Variants in CHADL observed in about 807,000 individuals in gnomAD.
CHADL encodes the protein chondroadherin like.
CHADL carries 48 observed loss-of-function variants against 52.1 expected under a neutral mutation model. That is an observed-to-expected ratio of 0.92 (90% CI 0.73 to 1.17). The LOEUF is 1.17. Among genes scored for constraint, CHADL ranks in the 50% most tolerant of loss-of-function variants. The pLI is 0.00. For missense variants in CHADL, 977 were observed against 1,035.1 expected (o/e 0.94, Z 0.77); for synonymous variants, 498 against 511.2 (o/e 0.97, Z 0.35).
At chr22:41,234,406 G>A (rs1053317961) in intron 5 of CHADL, among the ~76,000 whole-genome samples, 4 of 128,728 alleles carry the variant, frequency 3.1e-5, no homozygotes, top group African/African-American at 9.1e-5. Context: ...TTATTGAGAC[G>A]GAGTCTCACC....
chr22:41,235,153 C>T lies in CHADL; in HGVS notation c.2254G>A (p.Ala752Thr). The change falls in exon 5 of 6, where the codon GCA becomes ACA. Residue 752 changes from alanine (A) to threonine (T), a missense_variant. By Grantham distance (58) the Ala-to-Thr change is moderately conservative. Coordinates refer to ENST00000216241, the MANE Select transcript of CHADL (RefSeq NM_138481.2). ...CCTGCCCCATGGCCAACCTTATCTG[C>T]TCCACACTGTCTTCCTTTGATGGGG... ...RTPIKGRQCG[A>T]DKVGKEKGRL The T allele has an allele frequency of 2.6e-6, 4 of 1,551,366 alleles. No homozygotes were observed. Among genetic ancestry groups the T allele is most frequent in the South Asian group, 1.2e-5 (1 of 84,066 alleles).
chr22:41,237,770 C>A lies in CHADL; in HGVS notation c.1302G>T (p.Arg434=). 6.5e-7 allele frequency: 1 copy of A among 1,536,650 alleles called. No individual in the cohort carries two copies. Among genetic ancestry groups the A allele is most frequent in the East Asian group, 2.5e-5 (1 of 40,746 alleles). Residue 434 remains arginine, a synonymous_variant, in exon 3 of 6, where the codon CGG becomes CGT. Coordinates refer to ENST00000216241, the MANE Select transcript of CHADL (RefSeq NM_138481.2). ...CTCGGGGCACCGAGGGGAAGTGGTT[C>A]CGCCTCAGGTCCAGGAGCTGGGTGT... ...PSDTQLLDLR[R]NHFPSVPRAA...
intron 5 of CHADL, among the ~76,000 whole-genome samples, chr22:41,231,588 G>T (rs766074818): frequency 1.2e-4 from 18 of 152,274 alleles, no homozygotes; most frequent in Non-Finnish European, 2.5e-4. Flanking sequence ...CGTGTTGCTG[G>T]TGCCTAGAGG....
intron 1 of CHADL, 23 bp from the exon 2 acceptor site, chr22:41,239,643 G>A: frequency 6.6e-7 from 1 of 1,506,858 alleles, no homozygotes; most frequent in Non-Finnish European, 8.9e-7. Context: ...GGGAGAGTCT[G>A]TTGTGCACAA....
chr22:41,229,718 TCTC>T lies in CHADL; in HGVS notation c.2272_2274del (p.Glu758del), dbSNP rs746857178. ...CTGCTCCGTGCTCAGAGACGACCCT[TCTC>T]CTTCCCCACCTGGGCACAGAAGAGT... On this transcript the variant is annotated inframe_deletion, in exon 6 of 6. Transcript: ENST00000216241. 58 of 1,612,014 alleles carry T rather than the reference TCTC, an allele frequency of 3.6e-5. 1 individual carries two copies. The East Asian group carries it at 4.0e-4, about 11-fold the overall frequency.
chr22:41,240,775 G>C, intron 1 of CHADL, 99 bp downstream of exon 1: 1 of 1,431,722 alleles, frequency 7.0e-7, no homozygotes, highest in South Asian at 1.2e-5. Flanking sequence ...CAGAGCCCCT[G>C]CCCGCCAGCC....
chr22:41,235,267 C>G lies in CHADL; in HGVS notation c.2140G>C (p.Ala714Pro). The G allele has an allele frequency of 6.4e-7, 1 of 1,551,274 alleles. No individual in the cohort carries two copies. Among genetic ancestry groups the G allele is most frequent in the Non-Finnish European group, 8.7e-7 (1 of 1,146,984 alleles). Residue 714 changes from alanine (A) to proline (P), a missense_variant, in exon 5 of 6, where the codon GCT becomes CCT. By Grantham distance (27) the Ala-to-Pro change is conservative. Transcript: ENST00000216241. The stretch of plus-strand genomic sequence containing the variant: ...CAGTCTTCAAAGACAGCAGCTGCAG[C>G]CTTCACCCTCTGGCCACGGGCATTG... Reference protein sequence around the residue: ...PPNARGQRVKAAAAVFEDCPG... With the variant: ...PPNARGQRVKPAAAVFEDCPG...
intron 5 of CHADL, chr22:41,230,432 T>C: frequency 1.7e-6 from 1 of 595,820 alleles, no homozygotes; most frequent in East Asian, 2.9e-5. Context: ...CGCCTGTTGC[T>C]TCTGCCCTCC....
chr22:41,232,797 C>T (rs1240764396), intron 5 of CHADL, among the ~76,000 whole-genome samples: 1 of 152,144 alleles, frequency 6.6e-6, no homozygotes, highest in Non-Finnish European at 1.5e-5. Context: ...CACTCCTGAA[C>T]CCAGCTCCGC....
Position 41,238,907 on chromosome 22 carries a change from T to A in CHADL, c.187-22A>T. On this transcript the variant is annotated intron_variant, in intron 2 of 5. Coordinates refer to ENST00000216241, the MANE Select transcript of CHADL (RefSeq NM_138481.2). The surrounding 1 kb of genome is among the most constrained non-coding windows in gnomAD (Gnocchi z 4.9). ...TCAGCTGGGGACAGCGAGGAGAAAG[T>A]GGGGCTGAGCCAGGCAGGGACCCCG... The A allele has an allele frequency of 6.6e-7, 1 of 1,515,710 alleles. No individual in the cohort carries two copies. 93.9% of individuals were successfully genotyped at this position (1,515,710 alleles called of 1,614,324 possible). A position where few individuals can be genotyped will look rare whatever the true frequency, so the allele number is the denominator to read the frequency against.
rs1034215156 is a variant in CHADL, at chr22:41,230,591, G to C, written c.2263-861C>G. 1.5e-5 allele frequency: 5 copies of C among 333,172 alleles called. No homozygotes were observed. The South Asian group carries it at 1.6e-4, about 11-fold the overall frequency. 20.6% of individuals were successfully genotyped at this position (333,172 alleles called of 1,614,324 possible). On this transcript the variant is annotated intron_variant, in intron 5 of 5. Coordinates refer to ENST00000216241, the MANE Select transcript of CHADL (RefSeq NM_138481.2). ...CCCCGACCCGCCACGGCCCTCAGTTGCCAGGGATGGGGCCACCACTGTCAC... is the reference window on the plus strand; with the variant it reads ...CCCCGACCCGCCACGGCCCTCAGTTCCCAGGGATGGGGCCACCACTGTCAC...
In CHADL at chr22:41,239,504, G is replaced by T; in HGVS notation, c.125C>A (p.Ser42Tyr). ...GTACCGGCAGGCAACGTGTCGCCTGGAGTTGTCACAGATGCAGGCCTGTGG... is the reference window on the plus strand; with the variant it reads ...GTACCGGCAGGCAACGTGTCGCCTGTAGTTGTCACAGATGCAGGCCTGTGG... ...RCPQACICDN[S>Y]RRHVACRYQN... Residue 42 changes from serine to tyrosine, a missense_variant, in exon 2 of 6, where the codon TCC becomes TAC. By Grantham distance (144) the Ser-to-Tyr change is moderately radical. Coordinates refer to ENST00000216241, the MANE Select transcript of CHADL (RefSeq NM_138481.2). The T allele has an allele frequency of 6.4e-7, 1 of 1,550,644 alleles. No individual in the cohort carries two copies. Among genetic ancestry groups the T allele is most frequent in the Non-Finnish European group, 8.7e-7 (1 of 1,146,880 alleles).
chr22:41,235,100 G>A (rs1432426001), intron 5 of CHADL, 45 bp downstream of exon 5: 2 of 1,536,782 alleles, frequency 1.3e-6, no homozygotes, highest in Non-Finnish European at 1.8e-6. Flanking sequence ...TTGGAACCTG[G>A]CCCACCACCC....
chr22:41,239,422 C>T, intron 2 of CHADL, 21 bp downstream of exon 2: 1 of 1,548,692 alleles, frequency 6.5e-7, no homozygotes, highest in Non-Finnish European at 8.7e-7. Context: ...CACTCTGTGC[C>T]TGTGCTCCTG....
intron 5 of CHADL, among the ~76,000 whole-genome samples, 197 bp downstream of exon 5, chr22:41,234,948 T>A (rs537414168): frequency 6.6e-6 from 1 of 151,598 alleles, no homozygotes; most frequent in Non-Finnish European, 1.5e-5. Context: ...CTCGGCCTCC[T>A]GAAGTGCTGG....
chr22:41,229,549 T>G lies in CHADL; in HGVS notation c.*155A>C, dbSNP rs755706518. The G allele has an allele frequency of 1.2e-6, 2 of 1,610,498 alleles. No homozygotes were observed. Among genetic ancestry groups the G allele is most frequent in the East Asian group, 4.5e-5 (2 of 44,740 alleles). ...CCATTTTTATTCAAAGGGAAAAGAATCCCGCCCACTAAGACGCGACCCCTC... is the reference window on the plus strand; with the variant it reads ...CCATTTTTATTCAAAGGGAAAAGAAGCCCGCCCACTAAGACGCGACCCCTC... On this transcript the variant is annotated 3_prime_UTR_variant, in exon 6 of 6. Coordinates refer to ENST00000216241, the MANE Select transcript of CHADL (RefSeq NM_138481.2).
At chr22:41,232,008 C>T (rs2032606405) in intron 5 of CHADL, among the ~76,000 whole-genome samples, 1 of 152,182 alleles carries the variant, frequency 6.6e-6, no homozygotes, top group African/African-American at 2.4e-5. Flanking sequence ...AAAAAGAAGC[C>T]TCAGTACAGT....
In CHADL at chr22:41,238,665, A is replaced by AGCTCC. The variant is rs1282596773; in HGVS notation, c.406_407insGGAGC (p.Leu136TrpfsTer30). The AGCTCC allele has an allele frequency of 1.3e-6, 2 of 1,544,894 alleles. No homozygotes were observed. The highest frequency in any genetic ancestry group is 2.4e-5 in the South Asian group (2 of 83,950). ...GTTCCCCTCCAGCTCCAGCCGCCGCAACGAGCCCAGCCCGTCCAGCGCCTC... is the reference window on the plus strand; with the variant it reads ...GTTCCCCTCCAGCTCCAGCCGCCGCAGCTCCACGAGCCCAGCCCGTCCAGCGCCTC... On this transcript the variant is annotated frameshift_variant, in exon 3 of 6. Transcript: ENST00000216241. LOFTEE classifies it high-confidence loss of function. The surrounding 1 kb of genome is among the most constrained non-coding windows in gnomAD (Gnocchi z 4.9).
At chr22:41,231,653 T>C (rs2032593810) in intron 5 of CHADL, among the ~76,000 whole-genome samples, 1 of 152,218 alleles carries the variant, frequency 6.6e-6, no homozygotes, top group Non-Finnish European at 1.5e-5. Context: ...TTTTGCTCAA[T>C]CCATGCAGTA....
Sources: gnomAD v4.1 joint callset for allele counts (sites outside exome capture counted in the v4.1 genomes callset) on GRCh38, gnomAD v4.1.1 for gene constraint, Gnocchi (gnomAD v3.1) non-coding constraint, MANE v1.5 for transcripts, NCBI Gene and HGNC (gene_info 2026-07-23, HGNC 2026-07-21) for gene names.